The following MEP1A variants were observed in gnomAD, a reference collection of about 807,000 sequenced individuals.
MEP1A encodes the protein N-benzoyl-L-tyrosyl-P-amino-benzoic acid hydrolase subunit alpha.
MEP1A carries 68 observed loss-of-function variants against 84.5 expected under a neutral mutation model. The observed-to-expected ratio is 0.80, with a 90% CI of 0.66 to 0.98. The LOEUF (loss-of-function observed/expected upper bound fraction) is 0.98. MEP1A is among the 50% of genes least tolerant of loss of function. MEP1A has a pLI of 0.00. For synonymous variants in MEP1A, 337 were observed against 336.8 expected (o/e 1.00, Z -0.01); for missense variants, 887 against 919.9 (o/e 0.96, Z 0.46).
At chr6:46,824,910 A>C (rs1471644544) in intron 7 of MEP1A, among the ~76,000 whole-genome samples, 1 of 108,922 alleles carries the variant, frequency 9.2e-6, no homozygotes, top group African/African-American at 3.9e-5. Flanking sequence ...TATAAATTAT[A>C]TATTTAAATA....
intron 3 of MEP1A, among the ~76,000 whole-genome samples, chr6:46,797,648 G>T (rs1562102448): frequency 6.6e-6 from 1 of 152,168 alleles, no homozygotes; most frequent in Non-Finnish European, 1.5e-5. Context: ...TACACTGGTA[G>T]AAAGAGCCCT....
chr6:46,829,061 A>G (rs767337694), intron 9 of MEP1A, among the ~76,000 whole-genome samples: 50 of 152,226 alleles, frequency 3.3e-4, no homozygotes, highest in Non-Finnish European at 6.0e-4. Context: ...CAGACACAAA[A>G]TTCCATCAAA....
intron 7 of MEP1A, among the ~76,000 whole-genome samples, chr6:46,823,780 G>A (rs893741221): frequency 1.1e-4 from 16 of 152,100 alleles, no homozygotes; most frequent in African/African-American, 3.9e-4. Flanking sequence ...CATTAATGCA[G>A]CCCAAACAGT....
rs555450495 is a variant in MEP1A at position 46,801,320 on chromosome 6, T to C, written c.262+2139T>C. ...TTTGTAGTTATAGCCATTTTAGTAG[T>C]TGTAAAATGGTATCTCCCTACGATT... On this transcript the variant is annotated intron_variant, in intron 5 of 13. Transcript: ENST00000230588. Among the ~76,000 whole-genome samples, 3 of 152,226 alleles carry C rather than the reference T, an allele frequency of 2.0e-5. 1 individual carries two copies. In the East Asian group the frequency reaches 5.8e-4, roughly 29 times the overall value.
At chr6:46,842,030 G>T (rs1310019675), downstream of MEP1A, among the ~76,000 whole-genome samples, 1 of 152,076 alleles carries the variant, frequency 6.6e-6, no homozygotes, top group Admixed American at 6.6e-5. Flanking sequence ...TGCAATCTCT[G>T]AACATAAATT....
At chr6:46,813,123 A>G (rs1402387562) in intron 6 of MEP1A, among the ~76,000 whole-genome samples, 5 of 152,002 alleles carry the variant, frequency 3.3e-5, no homozygotes, top group Admixed American at 3.3e-4. Context: ...TCTAGTAGTA[A>G]CAGTTTTATA....
At chr6:46,828,485 TC>T (rs1188420685) in intron 9 of MEP1A, among the ~76,000 whole-genome samples, 5 of 152,182 alleles carry the variant, frequency 3.3e-5, no homozygotes, top group African/African-American at 1.2e-4. Context: ...CGCTGGAGTA[TC>T]CAGCACTATA....
In MEP1A at chr6:46,839,298, T is replaced by A. The variant is rs1038874176; in HGVS notation, c.*162T>A. 8.8e-6 allele frequency: 5 copies of A among 569,790 alleles called. No homozygotes were observed. The highest frequency in any genetic ancestry group is 1.9e-5 in the African/African-American group (1 of 53,180). 35.3% of individuals were successfully genotyped at this position (569,790 alleles called of 1,614,324 possible). A position where few individuals can be genotyped will look rare whatever the true frequency, so the allele number is the denominator to read the frequency against. Reference sequence around the variant, plus strand: ...ACCCTTGTCATCTCTCTGCCCCACATAATTCTGTTACTTTGCTATGTGCTC... The same window carrying A: ...ACCCTTGTCATCTCTCTGCCCCACAAAATTCTGTTACTTTGCTATGTGCTC... On this transcript the variant is annotated 3_prime_UTR_variant, in exon 14 of 14. Coordinates refer to ENST00000230588, the MANE Select transcript of MEP1A (RefSeq NM_005588.3).
chr6:46,834,538 A>G (rs756506051), intron 11 of MEP1A, 40 bp from the exon 12 acceptor site: 1 of 1,435,024 alleles, frequency 7.0e-7, no homozygotes, highest in Non-Finnish European at 9.5e-7. Context: ...AGTGAAGTCT[A>G]AAGAGGTAAT....
intron 5 of MEP1A, among the ~76,000 whole-genome samples, chr6:46,808,014 C>G (rs947456779): frequency 2.0e-5 from 3 of 151,816 alleles, no homozygotes; most frequent in African/African-American, 7.3e-5. Flanking sequence ...CTCTTTACAG[C>G]TTATTTAGGT....
chr6:46,798,715 C>A, intron 4 of MEP1A, 69 bp downstream of exon 4: 1 of 1,368,238 alleles, frequency 7.3e-7, no homozygotes, highest in South Asian at 1.2e-5. Flanking sequence ...AGTCTCTGCT[C>A]TGCGGCCAGC....
rs1345475968 is a variant in MEP1A at position 46,807,832 on chromosome 6, A to G, written c.263-1588A>G. On this transcript the variant is annotated intron_variant, in intron 5 of 13. Transcript: ENST00000230588. ...GAAAGAAAGAAAGAAAGAAAGAAAG[A>G]AAGAAAGGAAGAAAGGAAATAAATC... is the stretch of plus-strand genomic sequence containing the variant. 3.8e-3 allele frequency among the ~76,000 whole-genome samples: 490 copies of G among 129,096 alleles called. 7 individuals carry two copies. The highest frequency in any genetic ancestry group is 7.9e-3 in the African/African-American group (293 of 37,248). 84.7% of individuals were successfully genotyped at this position (129,096 alleles called of 152,430 possible). A position where few individuals can be genotyped will look rare whatever the true frequency, so the allele number is the denominator to read the frequency against.
At chr6:46,833,709 C>G (rs551143109) in intron 11 of MEP1A, among the ~76,000 whole-genome samples, 171 bp downstream of exon 11, 4 of 152,182 alleles carry the variant, frequency 2.6e-5, no homozygotes, top group African/African-American at 4.8e-5. Flanking sequence ...ATCACATCCT[C>G]CTTCCCTTTC....
rs116256668 is a variant in MEP1A at position 46,808,473 on chromosome 6, C to A, written c.263-947C>A. 3.1e-3 allele frequency among the ~76,000 whole-genome samples: 474 copies of A among 152,170 alleles called. 1 individual carries two copies. The highest frequency in any genetic ancestry group is 0.011 in the African/African-American group (448 of 41,530). On this transcript the variant is annotated intron_variant, in intron 5 of 13. Transcript: ENST00000230588. Reference sequence around the variant, plus strand: ...AACTCTTTGAGAGAAAGCACTAAATCAAATGTGCAAGAAATGTAATTTTAT... The same window carrying A: ...AACTCTTTGAGAGAAAGCACTAAATAAAATGTGCAAGAAATGTAATTTTAT...
Position 46,835,413 on chromosome 6 carries a change from C to A in MEP1A, c.1948C>A (p.Arg650=). 2.5e-6 allele frequency: 4 copies of A among 1,612,226 alleles called. No homozygotes were observed. The highest frequency in any genetic ancestry group is 3.4e-6 in the Non-Finnish European group (4 of 1,179,234). ...PVSLSQGQPS[R]QKRSVENTGP... is the part of the protein sequence containing the mutation. ...CAGCCTGAGCCAGGGGCAGCCCAGC[C>A]GACAGAAGCGGTCGGTGGAGAACAC... The change falls in exon 13 of 14, where the codon CGA becomes AGA. Residue 650 remains arginine, a synonymous_variant. Coordinates refer to ENST00000230588, the MANE Select transcript of MEP1A (RefSeq NM_005588.3).
At chr6:46,800,143 A>G (rs953644435) in intron 5 of MEP1A, among the ~76,000 whole-genome samples, 3 of 152,238 alleles carry the variant, frequency 2.0e-5, no homozygotes, top group African/African-American at 4.8e-5. Context: ...CGGAACATCA[A>G]TACTTAATGG....
intron 4 of MEP1A, 118 bp from the exon 5 acceptor site, chr6:46,798,988 C>G (rs1767130569): frequency 2.9e-6 from 2 of 694,250 alleles, no homozygotes. Flanking sequence ...GACAAATTGC[C>G]ACTAAACTGT....
chr6:46,816,082 G>A (rs989498437), intron 6 of MEP1A, among the ~76,000 whole-genome samples: 5 of 151,934 alleles, frequency 3.3e-5, no homozygotes, highest in Admixed American at 6.6e-5. Flanking sequence ...GATCACAGGC[G>A]TGTGCCACCA....
chr6:46,811,787 A>G (rs902742423), intron 6 of MEP1A, among the ~76,000 whole-genome samples: 2 of 151,908 alleles, frequency 1.3e-5, no homozygotes, highest in Non-Finnish European at 2.9e-5. Context: ...TTGATTTTGT[A>G]TGTGAAACCA....
Sources: allele counts gnomAD v4.1 joint callset (sites outside exome capture counted in the v4.1 genomes callset), GRCh38; gene constraint gnomAD v4.1.1; transcripts MANE v1.5; gene names NCBI Gene and HGNC (gene_info 2026-07-23, HGNC 2026-07-21).